Variants in PRKCE observed in about 807,000 individuals in gnomAD.
PRKCE encodes protein kinase C epsilon, also known as protein kinase C epsilon type.
PRKCE carries 16 observed loss-of-function variants against 85.4 expected under a neutral mutation model. The ratio of observed to expected loss-of-function variants is 0.19; its 90% CI spans 0.13 to 0.28. The LOEUF is 0.28. Ranked by LOEUF, PRKCE falls within the 10% of genes least tolerant of loss-of-function variation. The pLI, the probability that PRKCE is intolerant of heterozygous loss-of-function variation, is 1.00. For synonymous variants in PRKCE, 388 were observed against 371.5 expected, an observed-to-expected ratio of 1.04 and a Z score of -0.51; for missense variants, 573 against 975.2, an observed-to-expected ratio of 0.59 and a Z score of 5.49.
chr2:46,013,847 C>G (rs1558960200), intron 10 of PRKCE, among the ~76,000 whole-genome samples: 1 of 152,146 alleles, frequency 6.6e-6, no homozygotes, highest in African/African-American at 2.4e-5. Context: ...GACATTGCTT[C>G]AGACTGCACA....
intron 10 of PRKCE, among the ~76,000 whole-genome samples, chr2:46,054,639 G>T (rs1007247416): frequency 6.6e-6 from 1 of 152,202 alleles, no homozygotes; most frequent in Non-Finnish European, 1.5e-5. Flanking sequence ...CTCTAGTTCT[G>T]ATAGGGACAG....
intron 1 of PRKCE, among the ~76,000 whole-genome samples, chr2:45,671,324 T>A (rs561190157): frequency 3.9e-5 from 6 of 152,342 alleles, no homozygotes; most frequent in African/African-American, 1.4e-4. Context: ...CCAAGGCAGA[T>A]GAATGAGCAC....
chr2:46,094,164 T>C (rs762682761), intron 11 of PRKCE, among the ~76,000 whole-genome samples: 3 of 152,220 alleles, frequency 2.0e-5, no homozygotes, highest in Non-Finnish European at 4.4e-5. Context: ...GGTTACCTTC[T>C]GCCCTGTGTG....
intron 6 of PRKCE, among the ~76,000 whole-genome samples, chr2:45,999,887 A>C (rs1574174018): frequency 1.3e-5 from 2 of 152,186 alleles, no homozygotes; most frequent in Admixed American, 6.5e-5. Context: ...TAGACTACTA[A>C]TAAGCCCATC....
At chr2:45,672,491 C>A (rs1238326148) in intron 1 of PRKCE, among the ~76,000 whole-genome samples, 10 of 152,228 alleles carry the variant, frequency 6.6e-5, no homozygotes, top group Admixed American at 5.9e-4. Flanking sequence ...GCCAGACAGC[C>A]TGTCAGTTTA....
At chr2:46,038,582 A>G (rs1473088675) in intron 10 of PRKCE, among the ~76,000 whole-genome samples, 1 of 151,156 alleles carries the variant, frequency 6.6e-6, no homozygotes, top group Non-Finnish European at 1.5e-5. Context: ...ATGTTCTACC[A>G]ATACTTGTCA....
Position 46,139,197 on chromosome 2 carries a change from G to A in PRKCE, c.1593-5896G>A, listed in dbSNP as rs998682360. 6.6e-6 allele frequency among the ~76,000 whole-genome samples: 1 copy of A among 152,110 alleles called. No individual in the cohort carries two copies. Among genetic ancestry groups the A allele is most frequent in the Non-Finnish European group, 1.5e-5 (1 of 68,036 alleles). Reference sequence around the variant, plus strand: ...TTGCAGTCAACACAATCAGACACAAGAAATGAATTAGAAGTATAAATACTA... The same window carrying A: ...TTGCAGTCAACACAATCAGACACAAAAAATGAATTAGAAGTATAAATACTA... On this transcript the variant is annotated intron_variant, in intron 11 of 14. Transcript: ENST00000306156. The surrounding 1 kb of genome is among the most constrained non-coding windows in gnomAD (Gnocchi z 5.2).
At chr2:45,879,689 G>A (rs1185426816) in intron 2 of PRKCE, among the ~76,000 whole-genome samples, 1 of 152,238 alleles carries the variant, frequency 6.6e-6, no homozygotes, top group Non-Finnish European at 1.5e-5. Flanking sequence ...CCTCCCACGA[G>A]GAGTTGAGAG....
intron 1 of PRKCE, among the ~76,000 whole-genome samples, chr2:45,706,751 G>A (rs1461599686): frequency 1.3e-5 from 2 of 152,164 alleles, no homozygotes. Flanking sequence ...TCTTCTGTGT[G>A]TAAGAGAATC....
chr2:45,765,465 C>T (rs1467604689), intron 1 of PRKCE, among the ~76,000 whole-genome samples: 8 of 152,308 alleles, frequency 5.3e-5, no homozygotes, highest in East Asian at 1.9e-4. Context: ...CGTTTGGCCT[C>T]GTTCTCAAAT....
rs187863860 is a variant in PRKCE at position 45,699,241 on chromosome 2, G to T, written c.348+46793G>T. Among the ~76,000 whole-genome samples the T allele has an allele frequency of 1.8e-3, 280 of 152,154 alleles. 2 individuals carry two copies. Among genetic ancestry groups the T allele is most frequent in the African/African-American group, 6.6e-3 (275 of 41,506 alleles). On this transcript the variant is annotated intron_variant, in intron 1 of 14. Transcript: ENST00000306156. ...CCCCAGAGGTGTCACTCCCTGCAGG[G>T]CCCAGCAGCCTTTTGCACGGACCTC...
At chr2:46,022,105 C>T (rs542017848) in intron 10 of PRKCE, among the ~76,000 whole-genome samples, 5 of 152,220 alleles carry the variant, frequency 3.3e-5, no homozygotes, top group Non-Finnish European at 7.3e-5. Context: ...TTTGGGTTCA[C>T]ATATGCCCTG....
chr2:46,133,766 A>G (rs935723274), intron 11 of PRKCE, among the ~76,000 whole-genome samples: 3 of 152,208 alleles, frequency 2.0e-5, no homozygotes, highest in Admixed American at 6.5e-5. Context: ...CGAAGGCACC[A>G]TGTCTGTTCT....
intron 1 of PRKCE, among the ~76,000 whole-genome samples, chr2:45,712,951 G>A (rs1208245450): frequency 6.6e-6 from 1 of 152,192 alleles, no homozygotes; most frequent in Non-Finnish European, 1.5e-5. Context: ...CTCAGAGATT[G>A]TGACTAGATG....
Position 45,746,323 on chromosome 2 carries a change from A to G in PRKCE, c.348+93875A>G, listed in dbSNP as rs555271090. Among the ~76,000 whole-genome samples the G allele has an allele frequency of 7.5e-4, 115 of 152,340 alleles. 1 individual carries two copies. The highest frequency in any genetic ancestry group is 8.8e-4 in the Non-Finnish European group (60 of 68,038). ...ATCTAATAGGCTTCTCACACCTCAGATGTCCAAAACCAAACTCGGTTTTCC... is the reference window on the plus strand; with the variant it reads ...ATCTAATAGGCTTCTCACACCTCAGGTGTCCAAAACCAAACTCGGTTTTCC... On this transcript the variant is annotated intron_variant, in intron 1 of 14. Transcript: ENST00000306156.
At position 46,151,067 on chromosome 2, in the gene PRKCE, C is replaced by G. The variant is rs533806384; in HGVS notation, c.1758C>G (p.Pro586=). The change falls in exon 13 of 15, where the codon CCC becomes CCG. Residue 586 remains proline, a synonymous_variant. Coordinates refer to ENST00000306156, the MANE Select transcript of PRKCE (RefSeq NM_005400.3). ...TCCTGCAGGAGTTGGAGTATGGCCC[C>G]TCCGTGGACTGGTGGGCCCTGGGGG... is the stretch of plus-strand genomic sequence containing the variant. ...PEILQELEYG[P]SVDWWALGVL... 1 of 1,599,388 alleles carries G rather than the reference C, an allele frequency of 6.3e-7. No homozygotes were observed. The highest frequency in any genetic ancestry group is 1.1e-5 in the South Asian group (1 of 91,022).
chr2:46,112,993 C>A (rs1672420179), intron 11 of PRKCE, among the ~76,000 whole-genome samples: 1 of 152,096 alleles, frequency 6.6e-6, no homozygotes, highest in South Asian at 2.1e-4. Context: ...TGTCATAGTA[C>A]CCTCCTCATA....
At chr2:46,120,504 AG>A (rs1673203628) in intron 11 of PRKCE, among the ~76,000 whole-genome samples, 1 of 152,246 alleles carries the variant, frequency 6.6e-6, no homozygotes, top group Admixed American at 6.5e-5. Flanking sequence ...GTGACTCTGA[AG>A]GTTTGGGGGT....
intron 2 of PRKCE, among the ~76,000 whole-genome samples, chr2:45,937,743 T>C (rs1258139392): frequency 6.6e-6 from 1 of 152,040 alleles, no homozygotes; most frequent in African/African-American, 2.4e-5. Flanking sequence ...AGAAAACTTG[T>C]AGGTATATAT....
Sources: gnomAD v4.1 joint callset for allele counts (sites outside exome capture counted in the v4.1 genomes callset) on GRCh38, gnomAD v4.1.1 for gene constraint, Gnocchi (gnomAD v3.1) non-coding constraint, MANE v1.5 for transcripts, NCBI Gene and HGNC (gene_info 2026-07-23, HGNC 2026-07-21) for gene names.